Variants in TRDN observed in about 807,000 individuals in gnomAD.
The protein encoded by TRDN is triadin in skeletal muscle.
Under a neutral mutation model 149.7 loss-of-function variants are expected in TRDN, and 161 were observed. That is an observed-to-expected ratio of 1.08 (90% confidence interval 0.95 to 1.23). TRDN has a LOEUF of 1.23. Ranked by LOEUF, TRDN falls within the 50% of genes most tolerant of loss-of-function variation. The pLI, the probability that TRDN is intolerant of heterozygous loss-of-function variation, is 0.00. For synonymous variants in TRDN, 294 were observed against 250.5 expected (o/e 1.17, Z -1.64); for missense variants, 896 against 823.5 (o/e 1.09, Z -1.08).
chr6:123,511,406 T>C (rs889120594), intron 7 of TRDN, among the ~76,000 whole-genome samples: 3 of 151,994 alleles, frequency 2.0e-5, no homozygotes, highest in Admixed American at 6.6e-5. Context: ...ATTTGATCAT[T>C]ATATATTATA....
At chr6:123,506,989 G>A (rs1489089213) in intron 7 of TRDN, among the ~76,000 whole-genome samples, 3 of 152,120 alleles carry the variant, frequency 2.0e-5, no homozygotes, top group Non-Finnish European at 4.4e-5. Context: ...ATAGTGTCTA[G>A]CACAATGCTT....
intron 38 of TRDN, among the ~76,000 whole-genome samples, chr6:123,251,293 G>A (rs1776364770): frequency 1.3e-5 from 2 of 151,944 alleles, no homozygotes; most frequent in African/African-American, 2.4e-5. Flanking sequence ...GGGTACAGTA[G>A]GACCTTCTCT....
chr6:123,496,738 G>A (rs1283855985), intron 9 of TRDN, among the ~76,000 whole-genome samples: 1 of 151,978 alleles, frequency 6.6e-6, no homozygotes. Context: ...GCTAAACCAA[G>A]TTCATGTATA....
chr6:123,541,522 C>T (rs1006164564), intron 4 of TRDN, among the ~76,000 whole-genome samples: 4 of 152,132 alleles, frequency 2.6e-5, no homozygotes, highest in African/African-American at 9.7e-5. Flanking sequence ...TGTCTATTCT[C>T]TCTGGGCTTT....
chr6:123,267,338 T>A (rs1048940097), intron 32 of TRDN, among the ~76,000 whole-genome samples: 1 of 152,040 alleles, frequency 6.6e-6, no homozygotes, highest in Non-Finnish European at 1.5e-5. Context: ...CAAGCTGAAA[T>A]TCACAATTTG....
intron 9 of TRDN, among the ~76,000 whole-genome samples, chr6:123,486,261 T>C (rs562638137): frequency 6.6e-6 from 1 of 151,922 alleles, no homozygotes; most frequent in Non-Finnish European, 1.5e-5. Flanking sequence ...TTCTTTTTTT[T>C]TTTTTAACCA....
intron 21 of TRDN, among the ~76,000 whole-genome samples, chr6:123,338,984 A>T (rs1030536424): frequency 2.6e-5 from 4 of 152,104 alleles, no homozygotes; most frequent in Non-Finnish European, 4.4e-5. Flanking sequence ...TTTTAATTGC[A>T]TAACTGTAAG....
At chr6:123,449,106 C>T (rs1045741365) in intron 10 of TRDN, among the ~76,000 whole-genome samples, 3 of 152,058 alleles carry the variant, frequency 2.0e-5, no homozygotes, top group African/African-American at 7.2e-5. Flanking sequence ...CTGACAGAGC[C>T]TACCCAAATG....
intron 1 of TRDN, among the ~76,000 whole-genome samples, chr6:123,605,014 A>T (rs757727844): frequency 7.2e-5 from 11 of 151,754 alleles, no homozygotes; most frequent in Non-Finnish European, 1.3e-4. Flanking sequence ...ACACTCACAC[A>T]TATCTCATTG....
rs3813330 is a variant in TRDN, at chr6:123,254,948, A to G, written c.1951+133T>C. The G allele has an allele frequency of 1.0e-4, 62 of 617,754 alleles. No homozygotes were observed. The East Asian group carries it at 1.9e-3, about 19-fold the overall frequency. 38.3% of individuals were successfully genotyped at this position (617,754 alleles called of 1,614,324 possible). ...TTTCTGCTAGATTTTCTACCTGTCCACTTCCTCTGCTATTAAGAGAAGTTT... is the reference window on the plus strand; with the variant it reads ...TTTCTGCTAGATTTTCTACCTGTCCGCTTCCTCTGCTATTAAGAGAAGTTT... On this transcript the variant is annotated intron_variant, in intron 37 of 40. Transcript: ENST00000334268.
intron 38 of TRDN, among the ~76,000 whole-genome samples, chr6:123,243,492 G>A (rs1212447586): frequency 6.6e-6 from 1 of 152,194 alleles, no homozygotes; most frequent in Non-Finnish European, 1.5e-5. Flanking sequence ...AAGAAGTTCA[G>A]TGAGATACAA....
At chr6:123,513,474 G>A (rs1779269908) in intron 6 of TRDN, among the ~76,000 whole-genome samples, 1 of 151,800 alleles carries the variant, frequency 6.6e-6, no homozygotes, top group East Asian at 1.9e-4. Flanking sequence ...CTACTGTAAA[G>A]TTTGGAAAAA....
intron 8 of TRDN, 133 bp downstream of exon 8, chr6:123,503,586 A>G (rs576917095): frequency 8.3e-5 from 122 of 1,474,024 alleles, no homozygotes; most frequent in Admixed American, 1.9e-4. Flanking sequence ...CTTTTCTGAT[A>G]TATTTACTTT....
At chr6:123,381,761 C>T (rs896906510) in intron 15 of TRDN, among the ~76,000 whole-genome samples, 2 of 151,920 alleles carry the variant, frequency 1.3e-5, no homozygotes, top group African/African-American at 4.8e-5. Flanking sequence ...GAAATCAGTT[C>T]CTAATTGATG....
chr6:123,600,560 A>G (rs1471261474), intron 1 of TRDN, among the ~76,000 whole-genome samples: 1 of 151,994 alleles, frequency 6.6e-6, no homozygotes, highest in Non-Finnish European at 1.5e-5. Context: ...TATTATGGGA[A>G]AGGGATGGGG....
Position 123,301,762 on chromosome 6 carries a change from TATATATACATATATATATATATATAC to T in TRDN, c.1510+14669_1510+14694del, listed in dbSNP as rs1322261552. Among the ~76,000 whole-genome samples the T allele has an allele frequency of 1.7e-4, 14 of 80,760 alleles. 1 individual carries two copies. The highest frequency in any genetic ancestry group is 5.2e-4 in the African/African-American group (14 of 27,016). 53.0% of individuals were successfully genotyped at this position (80,760 alleles called of 152,430 possible). On this transcript the variant is annotated intron_variant, in intron 24 of 40. Transcript: ENST00000334268. ...GTATGTATATATATACATATATATATATATATACATATATATATATATATACATAAATGAAAATATCTGGTGGTTAT... is the reference window on the plus strand; with the variant it reads ...GTATGTATATATATACATATATATATATAAATGAAAATATCTGGTGGTTAT...
intron 14 of TRDN, among the ~76,000 whole-genome samples, chr6:123,382,876 G>A (rs1412360137): frequency 6.6e-6 from 1 of 151,962 alleles, no homozygotes; most frequent in Non-Finnish European, 1.5e-5. Flanking sequence ...AGGTTTTTAA[G>A]CTCATTTGTT....
chr6:123,462,841 C>T (rs4406254), intron 10 of TRDN: 25,653 of 151,924 alleles, frequency 0.17, 2,327 homozygotes, highest in South Asian at 0.28. Flanking sequence ...ATTATGTTAA[C>T]GAAGTCATAG....
At chr6:123,363,006 C>T (rs1780958330) in intron 20 of TRDN, among the ~76,000 whole-genome samples, 1 of 151,986 alleles carries the variant, frequency 6.6e-6, no homozygotes, top group Non-Finnish European at 1.5e-5. Flanking sequence ...TAAAAGTAGG[C>T]TTAAGATAAG....
Sources: gnomAD v4.1 joint callset for allele counts (sites outside exome capture counted in the v4.1 genomes callset) on GRCh38, gnomAD v4.1.1 for gene constraint, MANE v1.5 for transcripts, NCBI Gene and HGNC (gene_info 2026-07-23, HGNC 2026-07-21) for gene names.